The following RBPMS variants were observed in gnomAD, a reference collection of about 807,000 sequenced individuals.
The protein encoded by RBPMS is RNA-binding protein with multiple splicing.
RBPMS carries 7 observed loss-of-function variants against 26.8 expected under a neutral mutation model. That is an observed-to-expected ratio of 0.26 (90% CI 0.15 to 0.49). The LOEUF (loss-of-function observed/expected upper bound fraction) is 0.49. Among genes scored for constraint, RBPMS ranks in the 20% least tolerant of loss-of-function variants. The pLI, the probability that RBPMS is intolerant of heterozygous loss-of-function variation, is 0.98. For synonymous variants in RBPMS, 96 were observed against 93.3 expected, an observed-to-expected ratio of 1.03 and a Z score of -0.17; for missense variants, 186 against 250.0, an observed-to-expected ratio of 0.74 and a Z score of 1.73.
intron 1 of RBPMS, among the ~76,000 whole-genome samples, chr8:30,446,337 C>T (rs1435320681): frequency 6.6e-6 from 1 of 152,168 alleles, no homozygotes; most frequent in Non-Finnish European, 1.5e-5. Context: ...TGAAGGCCAG[C>T]AATCAGGGTG....
chr8:30,546,823 T>C (rs1033817044), intron 6 of RBPMS, among the ~76,000 whole-genome samples: 2 of 152,216 alleles, frequency 1.3e-5, no homozygotes, highest in South Asian at 4.1e-4. Context: ...TCAGCTGGTC[T>C]GACCCATTTT....
At position 30,572,239 on chromosome 8, in the gene RBPMS, T is replaced by G. The variant is rs1235579373; in HGVS notation, c.*1714T>G. ...CTATTGTCATTTTTAAAAAATAAAG[T>G]GCTTATTCCAGCTGTCACACCATTG... is the stretch of plus-strand genomic sequence containing the variant. On this transcript the variant is annotated 3_prime_UTR_variant, in exon 9 of 9. Transcript: ENST00000397323. 6.6e-6 allele frequency: 1 copy of G among 152,230 alleles called. No homozygotes were observed. The highest frequency in any genetic ancestry group is 1.5e-5 in the Non-Finnish European group (1 of 68,044). 9.4% of individuals were successfully genotyped at this position (152,230 alleles called of 1,614,324 possible). A position where few individuals can be genotyped will look rare whatever the true frequency, so the allele number is the denominator to read the frequency against.
intron 1 of RBPMS, among the ~76,000 whole-genome samples, chr8:30,428,087 G>T (rs560977688): frequency 6.8e-6 from 1 of 146,138 alleles, no homozygotes; most frequent in Non-Finnish European, 1.5e-5. Flanking sequence ...GCAGTGATGC[G>T]ATCTTGGCTC....
chr8:30,522,176 A>G (rs4733497), intron 5 of RBPMS, among the ~76,000 whole-genome samples: 37,226 of 151,804 alleles, frequency 0.25, 4,903 homozygotes, highest in East Asian at 0.4. Context: ...GCACAGGCCT[A>G]TAGTCACAGC....
chr8:30,463,585 C>G (rs993233049), intron 1 of RBPMS, among the ~76,000 whole-genome samples: 16 of 152,258 alleles, frequency 1.1e-4, no homozygotes, highest in African/African-American at 3.6e-4. Flanking sequence ...TACACTGTCA[C>G]TTCTGCCATA....
chr8:30,387,610 C>CAA (rs1305360739), intron 1 of RBPMS, among the ~76,000 whole-genome samples: 7 of 151,958 alleles, frequency 4.6e-5, no homozygotes, highest in African/African-American at 1.7e-4. Flanking sequence ...CACGTAATGA[C>CAA]GAGAGGAAAA....
At chr8:30,494,234 CCTG>C (rs1396104248) in intron 4 of RBPMS, among the ~76,000 whole-genome samples, 2 of 152,204 alleles carry the variant, frequency 1.3e-5, no homozygotes, top group African/African-American at 4.8e-5. Context: ...GCTCAGGTGT[CCTG>C]CTGCTTTCTC....
chr8:30,541,031 T>C (rs978318256), intron 5 of RBPMS, among the ~76,000 whole-genome samples: 10 of 152,210 alleles, frequency 6.6e-5, no homozygotes, highest in African/African-American at 2.4e-4. Context: ...TATTTCCAAA[T>C]AGATGTTTTC....
chr8:30,479,311 T>C lies in RBPMS; in HGVS notation c.184-4T>C. Reference sequence around the variant, plus strand: ...TTCTTCATATTTCTCTTTTTTTTTCTCAGCCTGTAGGTTTTGTCAGTTTTG... The same window carrying C: ...TTCTTCATATTTCTCTTTTTTTTTCCCAGCCTGTAGGTTTTGTCAGTTTTG... On this transcript the variant is annotated splice_region_variant and splice_polypyrimidine_tract_variant and intron_variant, in intron 3 of 8. Coordinates refer to ENST00000397323, the MANE Select transcript of RBPMS (RefSeq NM_001008710.3). The C allele has an allele frequency of 1.2e-6, 2 of 1,609,400 alleles. No individual in the cohort carries two copies. The highest frequency in any genetic ancestry group is 2.7e-5 in the African/African-American group (2 of 74,722).
intron 4 of RBPMS, among the ~76,000 whole-genome samples, chr8:30,480,346 C>T (rs546690922): frequency 1.3e-5 from 2 of 152,216 alleles, no homozygotes; most frequent in East Asian, 1.9e-4. Flanking sequence ...TTTGAGTAGA[C>T]CATGCAGAGT....
At chr8:30,442,700 C>A (rs1813240600) in intron 1 of RBPMS, 1 of 152,134 alleles carries the variant, frequency 6.6e-6, no homozygotes. Flanking sequence ...GGCCGCACTT[C>A]TGGTTGCGCG....
At chr8:30,386,726 T>G (rs959013424) in intron 1 of RBPMS, among the ~76,000 whole-genome samples, 4 of 152,240 alleles carry the variant, frequency 2.6e-5, no homozygotes, top group African/African-American at 9.6e-5. Context: ...ATTTAACTAA[T>G]TCACTTACCA....
At chr8:30,409,853 G>A (rs1027361212) in intron 1 of RBPMS, among the ~76,000 whole-genome samples, 13 of 151,702 alleles carry the variant, frequency 8.6e-5, no homozygotes, top group Admixed American at 1.3e-4. Flanking sequence ...GGCTGGTCTC[G>A]ATCTCCTGAC....
At chr8:30,445,721 G>A (rs911392220) in intron 1 of RBPMS, among the ~76,000 whole-genome samples, 1 of 146,298 alleles carries the variant, frequency 6.8e-6, no homozygotes, top group African/African-American at 2.6e-5. Context: ...AGGCTAGGGT[G>A]CAGTGGTGCA....
chr8:30,478,385 C>T (rs1215110348), intron 3 of RBPMS, among the ~76,000 whole-genome samples: 1 of 152,074 alleles, frequency 6.6e-6, no homozygotes. Context: ...CACTATTCAT[C>T]TCTCTGGCTC....
chr8:30,505,223 A>G (rs948667255), intron 5 of RBPMS, among the ~76,000 whole-genome samples: 1 of 152,218 alleles, frequency 6.6e-6, no homozygotes, highest in African/African-American at 2.4e-5. Flanking sequence ...TTAATATGGC[A>G]GGGCATTCAA....
intron 8 of RBPMS, among the ~76,000 whole-genome samples, chr8:30,567,451 C>G (rs985914937): frequency 6.6e-6 from 1 of 152,204 alleles, no homozygotes; most frequent in Non-Finnish European, 1.5e-5. Flanking sequence ...CATAGGGCAG[C>G]TGGGTCTATC....
chr8:30,536,151 G>C (rs1424079970), intron 5 of RBPMS, among the ~76,000 whole-genome samples: 11 of 146,502 alleles, frequency 7.5e-5, no homozygotes, highest in Admixed American at 6.8e-4. Flanking sequence ...TTTTGAGATG[G>C]AGTTTCACTC....
intron 7 of RBPMS, 27 bp from the exon 8 acceptor site, chr8:30,566,230 T>TTAACGGGTGATC: frequency 1.0e-6 from 1 of 985,666 alleles, no homozygotes; most frequent in Non-Finnish European, 1.2e-6. Context: ...CTGTGCACCG[T>TTAACGGGTGATC]TAACGGGTGA....
Sources: allele counts gnomAD v4.1 joint callset (sites outside exome capture counted in the v4.1 genomes callset), GRCh38; gene constraint gnomAD v4.1.1; transcripts MANE v1.5; gene names NCBI Gene and HGNC (gene_info 2026-07-23, HGNC 2026-07-21).